Variants in FUT8 observed in about 807,000 individuals in gnomAD.
The protein encoded by FUT8 is alpha-(1,6)-fucosyltransferase.
A neutral mutation model predicts 71.3 loss-of-function variants in FUT8; 29 were observed. That is an observed-to-expected ratio of 0.41 (90% CI 0.30 to 0.55). The LOEUF (loss-of-function observed/expected upper bound fraction) is 0.55, where lower values mean the gene tolerates loss of function less well. Among genes scored for constraint, FUT8 ranks in the 20% least tolerant of loss-of-function variants. FUT8 has a pLI of 0.34. For synonymous variants in FUT8, 254 were observed against 239.3 expected (o/e 1.06, Z -0.57); for missense variants, 544 against 702.1 (o/e 0.77, Z 2.55).
At chr14:65,740,183 A>G (rs563801437) in intron 10 of FUT8, among the ~76,000 whole-genome samples, 2 of 152,110 alleles carry the variant, frequency 1.3e-5, no homozygotes, top group East Asian at 1.9e-4. Context: ...GACATTGCCA[A>G]TATAATCGTT....
At chr14:65,382,497 C>T in the FUT8 span, among the ~76,000 whole-genome samples, 2 of 152,092 alleles carry the variant, frequency 1.3e-5, no homozygotes, top group African/African-American at 4.8e-5. Context: ...CACCAGGCCT[C>T]GCTAATTTTT....
intron 7 of FUT8, among the ~76,000 whole-genome samples, chr14:65,718,743 T>C (rs559861244): frequency 6.6e-6 from 1 of 152,358 alleles, no homozygotes; most frequent in Admixed American, 6.5e-5. Flanking sequence ...GATATACTAT[T>C]CTAGGGTAAA....
At chr14:65,527,462 C>T (rs1042046411) in intron 2 of FUT8, among the ~76,000 whole-genome samples, 10 of 152,222 alleles carry the variant, frequency 6.6e-5, no homozygotes, top group East Asian at 3.9e-4. Context: ...GTTAATCCTT[C>T]GTCTAATCTT....
At chr14:65,644,742 A>G (rs1045714523) in intron 6 of FUT8, among the ~76,000 whole-genome samples, 1 of 152,218 alleles carries the variant, frequency 6.6e-6, no homozygotes, top group Non-Finnish European at 1.5e-5. Context: ...TGTGAGATCA[A>G]CATTTTCATC....
intron 2 of FUT8, among the ~76,000 whole-genome samples, chr14:65,475,936 G>C (rs1263077715): frequency 6.6e-6 from 1 of 152,114 alleles, no homozygotes; most frequent in Non-Finnish European, 1.5e-5. Flanking sequence ...GAGAGGGAAA[G>C]GGTCTTTCTC....
chr14:65,693,203 C>G (rs1166061792), intron 7 of FUT8, among the ~76,000 whole-genome samples: 1 of 152,244 alleles, frequency 6.6e-6, no homozygotes, highest in Admixed American at 6.5e-5. Context: ...CCACTGCACT[C>G]CAGCCTGGGC....
chr14:65,590,991 T>C (rs1479253130), intron 3 of FUT8, among the ~76,000 whole-genome samples: 1 of 152,180 alleles, frequency 6.6e-6, no homozygotes, highest in Non-Finnish European at 1.5e-5. Context: ...TTGTGTTCTT[T>C]TACCTATAGT....
In FUT8 at chr14:65,586,392, G is replaced by A. The variant is rs555949627; in HGVS notation, c.203+24626G>A. The stretch of plus-strand genomic sequence containing the variant: ...AGCCAAGTATAGATTCAATAGGCAG[G>A]CATTCCCAAATACCCTCAGTCTCTC... On this transcript the variant is annotated intron_variant, in intron 3 of 10. Coordinates refer to ENST00000673929, the MANE Select transcript of FUT8 (RefSeq NM_001371533.1). Among the ~76,000 whole-genome samples, 12 of 152,214 alleles carry A rather than the reference G, an allele frequency of 7.9e-5. 1 individual carries two copies. The South Asian group carries it at 1.2e-3, about 16-fold the overall frequency.
intron 2 of FUT8, among the ~76,000 whole-genome samples, chr14:65,531,288 G>A (rs1271525279): frequency 6.6e-6 from 1 of 151,912 alleles, no homozygotes; most frequent in Non-Finnish European, 1.5e-5. Context: ...TTATTATTTA[G>A]TGCTTACAAT....
intron 6 of FUT8, among the ~76,000 whole-genome samples, chr14:65,644,817 ATAT>A (rs1299201846): frequency 6.6e-6 from 1 of 152,152 alleles, no homozygotes. Flanking sequence ...TATTTAATGT[ATAT>A]TGTTGATTTA....
intron 6 of FUT8, chr14:65,636,614 C>G (rs1279574108): frequency 2.0e-5 from 3 of 152,144 alleles, no homozygotes; most frequent in African/African-American, 7.2e-5. Flanking sequence ...AGTGATCATT[C>G]AGGAGCAGGT....
At chr14:65,562,689 A>C (rs1041218402) in intron 3 of FUT8, among the ~76,000 whole-genome samples, 2 of 101,562 alleles carry the variant, frequency 2.0e-5, no homozygotes, top group Non-Finnish European at 4.1e-5. Flanking sequence ...ATTGACCCTA[A>C]GGGAAGTGGT....
At chr14:65,594,773 G>T (rs1345954157) in intron 3 of FUT8, among the ~76,000 whole-genome samples, 5 of 152,148 alleles carry the variant, frequency 3.3e-5, no homozygotes, top group Admixed American at 6.5e-5. Context: ...CTCTTCTGAA[G>T]TCAAGTTGCC....
At chr14:65,588,692 C>T (rs1462665611) in intron 3 of FUT8, among the ~76,000 whole-genome samples, 1 of 144,552 alleles carries the variant, frequency 6.9e-6, no homozygotes, top group Non-Finnish European at 1.6e-5. Context: ...ACACAGTCAA[C>T]TGTGGTCTGA....
At chr14:65,377,985 G>A in the FUT8 span, among the ~76,000 whole-genome samples, 2 of 152,200 alleles carry the variant, frequency 1.3e-5, no homozygotes, top group East Asian at 3.8e-4. Flanking sequence ...AGAAGGAAAA[G>A]ACAGAGAAGA....
chr14:65,526,719 T>A (rs960527687), intron 2 of FUT8, among the ~76,000 whole-genome samples: 1 of 152,232 alleles, frequency 6.6e-6, no homozygotes, highest in Non-Finnish European at 1.5e-5. Flanking sequence ...CCTTTCCATG[T>A]TTAGTGCTTC....
rs753767020 is a variant in FUT8, at chr14:65,574,360, G to A, written c.203+12594G>A. ...AGGTCCCATTTACACTTGGGGAGGC[G>A]ATTTTCCAAGGTCTTGACCACCAGA... On this transcript the variant is annotated intron_variant, in intron 3 of 10. Transcript: ENST00000673929. This position sits in a 1 kb window ranked among gnomAD's most constrained non-coding sequence, Gnocchi z 5.2. Among the ~76,000 whole-genome samples, 14 of 152,188 alleles carry A rather than the reference G, an allele frequency of 9.2e-5. No individual in the cohort carries two copies. The highest frequency in any genetic ancestry group is 2.6e-4 in the African/African-American group (11 of 41,510).
At chr14:65,463,229 A>G (rs1272833631) in intron 2 of FUT8, among the ~76,000 whole-genome samples, 1 of 152,192 alleles carries the variant, frequency 6.6e-6, no homozygotes, top group Non-Finnish European at 1.5e-5. Context: ...TCACATTTCT[A>G]TTCTAGTCAA....
chr14:65,708,188 G>A (rs1278797216), intron 7 of FUT8, among the ~76,000 whole-genome samples: 1 of 152,150 alleles, frequency 6.6e-6, no homozygotes, highest in Non-Finnish European at 1.5e-5. Context: ...CTGTTCTAAT[G>A]ATAGTGAGTT....
Sources: gnomAD v4.1 joint callset for allele counts (sites outside exome capture counted in the v4.1 genomes callset) on GRCh38, gnomAD v4.1.1 for gene constraint, Gnocchi (gnomAD v3.1) non-coding constraint, MANE v1.5 for transcripts, NCBI Gene and HGNC (gene_info 2026-07-23, HGNC 2026-07-21) for gene names.